The following ASNSD1 variants were observed in gnomAD, a reference collection of about 807,000 sequenced individuals.
The protein encoded by ASNSD1 is asparagine synthetase domain-containing protein 1.
ASNSD1 carries 36 observed loss-of-function variants against 48.3 expected under a neutral mutation model. That is an observed-to-expected ratio of 0.75 (90% CI 0.57 to 0.99). The LOEUF is 0.99. Ranked by LOEUF, ASNSD1 falls within the 50% of genes least tolerant of loss-of-function variation. The pLI is 0.00. For missense variants in ASNSD1, 714 were observed against 758.2 expected (o/e 0.94, Z 0.69); for synonymous variants, 257 against 262.1 (o/e 0.98, Z 0.19).
In ASNSD1 at chr2:189,665,358, C is replaced by T. The variant is rs887750498; in HGVS notation, c.-168-18C>T. On this transcript the variant is annotated intron_variant, in intron 2 of 5. Coordinates refer to ENST00000260952, the MANE Select transcript of ASNSD1 (RefSeq NM_019048.4). ...TTTTAGATCAAAATTTGATATTAGCCTAAATTATGTTTTCCAGAAAGTATA... is the reference window on the plus strand; with the variant it reads ...TTTTAGATCAAAATTTGATATTAGCTTAAATTATGTTTTCCAGAAAGTATA... 1 of 395,444 alleles carries T rather than the reference C, an allele frequency of 2.5e-6. No homozygotes were observed. The highest frequency in any genetic ancestry group is 4.5e-6 in the Non-Finnish European group (1 of 224,322). The allele number at this position is 395,444 out of a possible 1,614,324, so 24.5% of individuals were successfully genotyped here.
chr2:189,662,610 A>G (rs567084299), intron 1 of ASNSD1, among the ~76,000 whole-genome samples: 5 of 152,298 alleles, frequency 3.3e-5, no homozygotes, highest in African/African-American at 1.2e-4. Context: ...GATTACCACC[A>G]TAGCAAGCCA....
chr2:189,670,406 T>G, intron 5 of ASNSD1, 35 bp from the exon 6 acceptor site: 1 of 1,535,766 alleles, frequency 6.5e-7, no homozygotes, highest in Non-Finnish European at 8.8e-7. Context: ...TTGATTTTAT[T>G]TTTACATAGT....
At chr2:189,665,011 A>G (rs1016214953) in intron 2 of ASNSD1, among the ~76,000 whole-genome samples, 8 of 152,220 alleles carry the variant, frequency 5.3e-5, no homozygotes, top group South Asian at 2.1e-4. Flanking sequence ...GTAATATATT[A>G]TATCTATATA....
intron 5 of ASNSD1, 106 bp downstream of exon 5, chr2:189,668,051 A>C: frequency 9.3e-7 from 1 of 1,070,868 alleles, no homozygotes. Context: ...TCACATGAAT[A>C]AGAGCAGCAA....
chr2:189,661,486 G>A lies in ASNSD1; in HGVS notation c.-347G>A, dbSNP rs2032660731. The A allele has an allele frequency of 5.0e-6, 2 of 399,130 alleles. No homozygotes were observed. The highest frequency in any genetic ancestry group is 1.3e-4 in the South Asian group (1 of 7,868). 24.7% of individuals were successfully genotyped at this position (399,130 alleles called of 1,614,324 possible). A position where few individuals can be genotyped will look rare whatever the true frequency, so the allele number is the denominator to read the frequency against. On this transcript the variant is annotated 5_prime_UTR_variant, in exon 1 of 6. Transcript: ENST00000260952. The stretch of plus-strand genomic sequence containing the variant: ...GGCTAATGCCGTAGGCTCCTTCAGG[G>A]CTGAGCCATCCCGCGTGTCTTGCGC...
rs186608877 is a variant in ASNSD1, at chr2:189,662,506, A to G, written c.-223+896A>G. Reference sequence around the variant, plus strand: ...TTTACAAATTTGGCCTTGGAATTCAACCTCATTACTACAGCTCTGCCAACG... The same window carrying G: ...TTTACAAATTTGGCCTTGGAATTCAGCCTCATTACTACAGCTCTGCCAACG... On this transcript the variant is annotated intron_variant, in intron 1 of 5. Coordinates refer to ENST00000260952, the MANE Select transcript of ASNSD1 (RefSeq NM_019048.4). Among the ~76,000 whole-genome samples the G allele has an allele frequency of 1.4e-3, 211 of 152,258 alleles. 2 individuals carry two copies. The highest frequency in any genetic ancestry group is 5.0e-3 in the African/African-American group (208 of 41,544).
chr2:189,662,128 T>C (rs935624402), intron 1 of ASNSD1, among the ~76,000 whole-genome samples: 2 of 152,220 alleles, frequency 1.3e-5, no homozygotes, highest in Non-Finnish European at 2.9e-5. Context: ...AAGCGGTCTC[T>C]CCTCATCCAC....
intron 1 of ASNSD1, among the ~76,000 whole-genome samples, chr2:189,663,406 A>C (rs2032715949): frequency 6.6e-6 from 1 of 152,068 alleles, no homozygotes; most frequent in African/African-American, 2.4e-5. Context: ...GGCATGTGCC[A>C]CTACGCTTGG....
intron 5 of ASNSD1, 143 bp from the exon 6 acceptor site, chr2:189,670,298 G>A: frequency 1.7e-6 from 1 of 587,732 alleles, no homozygotes; most frequent in Non-Finnish European, 2.8e-6. Flanking sequence ...TATTTATTGA[G>A]ATTTAGACTA....
chr2:189,669,757 T>G (rs768904741), intron 5 of ASNSD1, among the ~76,000 whole-genome samples: 4 of 151,512 alleles, frequency 2.6e-5, no homozygotes, highest in East Asian at 1.9e-4. Flanking sequence ...GGGCAGAAAG[T>G]TTTTTTTTAA....
In ASNSD1 at chr2:189,666,530, T is replaced by G; in HGVS notation, c.398T>G (p.Phe133Cys). 6.2e-7 allele frequency: 1 copy of G among 1,613,852 alleles called. No homozygotes were observed. Among genetic ancestry groups the G allele is most frequent in the Non-Finnish European group, 8.5e-7 (1 of 1,179,960 alleles). Residue 133 changes from phenylalanine (F) to cysteine (C), a missense_variant, in exon 4 of 6, where the codon TTT becomes TGT. Physicochemically the swap from Phe to Cys is radical, Grantham distance 205 (BLOSUM62 -2). Transcript: ENST00000260952. ...YYQASSHYLW[F>C]GRDFFGRRSL... Reference sequence around the variant, plus strand: ...CAAGCATCTAGTCATTATTTATGGTTTGGTAGGGATTTTTTTGGTCGCCGT... The same window carrying G: ...CAAGCATCTAGTCATTATTTATGGTGTGGTAGGGATTTTTTTGGTCGCCGT...
intron 5 of ASNSD1, 95 bp downstream of exon 5, chr2:189,668,040 T>C: frequency 8.4e-7 from 1 of 1,185,886 alleles, no homozygotes; most frequent in East Asian, 2.4e-5. Flanking sequence ...TTGGAGACTG[T>C]TCACATGAAT....
chr2:189,663,861 G>T, intron 1 of ASNSD1, 40 bp from the exon 2 acceptor site: 1 of 380,990 alleles, frequency 2.6e-6, no homozygotes, highest in South Asian at 1.3e-4. Context: ...AGCATACTTT[G>T]AAAACATCTG....
At position 189,668,243 on chromosome 2, in the gene ASNSD1, G is replaced by A. The variant is rs577297708; in HGVS notation, c.1646+298G>A. Among the ~76,000 whole-genome samples the A allele has an allele frequency of 1.7e-3, 266 of 152,278 alleles. 1 individual carries two copies. Among genetic ancestry groups the A allele is most frequent in the Non-Finnish European group, 1.3e-3 (87 of 68,020 alleles). ...AATACTGTCAAAGTAGGCCAGGCAT[G>A]GTGGCTCACACCTGTCTTCCTAGCA... On this transcript the variant is annotated intron_variant, in intron 5 of 5. Transcript: ENST00000260952.
chr2:189,661,602 A>C lies in ASNSD1; in HGVS notation c.-231A>C, dbSNP rs1042651064. 5.0e-6 allele frequency: 2 copies of C among 399,240 alleles called. No individual in the cohort carries two copies. Among genetic ancestry groups the C allele is most frequent in the Non-Finnish European group, 8.8e-6 (2 of 226,314 alleles). The allele number at this position is 399,240 out of a possible 1,614,324, so 24.7% of individuals were successfully genotyped here. ...TTCGACCCCACACAAGGAGGATCTA[A>C]GCAGCAAGGTGAGTGTGAGACGCGA... On this transcript the variant is annotated 5_prime_UTR_variant, in exon 1 of 6. Coordinates refer to ENST00000260952, the MANE Select transcript of ASNSD1 (RefSeq NM_019048.4).
Position 189,666,296 on chromosome 2 carries a change from A to T in ASNSD1, c.164A>T (p.His55Leu). The change falls in exon 4 of 6, where the codon CAC becomes CTC. Residue 55 changes from histidine (H) to leucine (L), a missense_variant. Transcript: ENST00000260952. ...TGTTTATTTTCTGCTCACGTCCTAC[A>T]CTTGAGGGGTGTTTTGACTACCCAG... is the stretch of plus-strand genomic sequence containing the variant. ...YQCLFSAHVL[H>L]LRGVLTTQPV... 1.2e-6 allele frequency: 2 copies of T among 1,614,070 alleles called. No homozygotes were observed. Among genetic ancestry groups the T allele is most frequent in the Non-Finnish European group, 8.5e-7 (1 of 1,179,990 alleles).
rs1422037335 is a variant in ASNSD1 at position 189,661,484 on chromosome 2, G to A, written c.-349G>A. On this transcript the variant is annotated 5_prime_UTR_variant, in exon 1 of 6. Transcript: ENST00000260952. ...GTGGCTAATGCCGTAGGCTCCTTCA[G>A]GGCTGAGCCATCCCGCGTGTCTTGC... is the stretch of plus-strand genomic sequence containing the variant. The A allele has an allele frequency of 2.5e-6, 1 of 399,094 alleles. No homozygotes were observed. The allele number at this position is 399,094 out of a possible 1,614,324, so 24.7% of individuals were successfully genotyped here.
chr2:189,663,068 G>A (rs2032705006), intron 1 of ASNSD1, among the ~76,000 whole-genome samples: 1 of 151,872 alleles, frequency 6.6e-6, no homozygotes, highest in South Asian at 2.1e-4. Context: ...CCCAAATAGG[G>A]CATTGCTTGA....
rs1216290285 is a variant in ASNSD1 at position 189,666,025 on chromosome 2, T to C, written c.-92-16T>C. The C allele has an allele frequency of 2.5e-6, 3 of 1,223,878 alleles. No homozygotes were observed. Among genetic ancestry groups the C allele is most frequent in the Non-Finnish European group, 3.3e-6 (3 of 896,606 alleles). The allele number at this position is 1,223,878 out of a possible 1,614,324, so 75.8% of individuals were successfully genotyped here. ...TTTTTATGTTATTTAATATTTATTCTCCTTCCCTGCAACAGATATATTGGA... is the reference window on the plus strand; with the variant it reads ...TTTTTATGTTATTTAATATTTATTCCCCTTCCCTGCAACAGATATATTGGA... On this transcript the variant is annotated splice_polypyrimidine_tract_variant and intron_variant, in intron 3 of 5. Transcript: ENST00000260952.
Sources: gnomAD v4.1 joint callset for allele counts (sites outside exome capture counted in the v4.1 genomes callset) on GRCh38, gnomAD v4.1.1 for gene constraint, MANE v1.5 for transcripts, NCBI Gene and HGNC (gene_info 2026-07-23, HGNC 2026-07-21) for gene names.